EVC: variants seen among roughly 807,000 people sequenced by gnomAD.
EVC encodes evC complex member EVC.
A neutral mutation model predicts 118.9 loss-of-function variants in EVC; 116 were observed. The observed-to-expected ratio is 0.98, with a 90% confidence interval of 0.84 to 1.14. The LOEUF (loss-of-function observed/expected upper bound fraction) is 1.14. Ranked by LOEUF, EVC falls within the 50% of genes most tolerant of loss-of-function variation. The probability of loss-of-function intolerance (pLI) is 0.00; values close to 1 mark genes in which losing one functional copy is unlikely to be tolerated. For synonymous variants in EVC, 619 were observed against 534.7 expected (o/e 1.16, Z -2.18); for missense variants, 1,401 against 1,246.4 (o/e 1.12, Z -1.87).
At chr4:5,718,313 T>C (rs1198783266) in intron 1 of EVC, among the ~76,000 whole-genome samples, 1 of 152,168 alleles carries the variant, frequency 6.6e-6, no homozygotes, top group Non-Finnish European at 1.5e-5. Context: ...AGATATCTTA[T>C]TTAATAGATA....
At chr4:5,748,008 G>C in intron 7 of EVC, 140 bp from the exon 8 acceptor site, 1 of 968,204 alleles carries the variant, frequency 1.0e-6, no homozygotes, top group Non-Finnish European at 1.6e-6. Context: ...TTGTTGCCAA[G>C]ATAAACTCAC....
intron 12 of EVC, among the ~76,000 whole-genome samples, chr4:5,790,813 G>A (rs1712629325): frequency 6.6e-6 from 1 of 152,176 alleles, no homozygotes; most frequent in Non-Finnish European, 1.5e-5. Context: ...TAGTAATGAG[G>A]CTGGGAGTGG....
downstream of EVC, among the ~76,000 whole-genome samples, chr4:5,817,249 T>C (rs1560462760): frequency 6.6e-6 from 1 of 152,214 alleles, no homozygotes; most frequent in Non-Finnish European, 1.5e-5. Context: ...CTATAGAGGC[T>C]TCCTGCACCG....
chr4:5,825,970 A>C, the EVC span: 1 of 408,830 alleles, frequency 2.4e-6, no homozygotes, highest in Non-Finnish European at 4.4e-6. This position sits in a 1 kb window ranked among gnomAD's most constrained non-coding sequence, Gnocchi z 4.4. Flanking sequence ...ACATGCAGTA[A>C]CAAAACAGGC....
At chr4:5,724,699 TA>T (rs1458163198) in intron 2 of EVC, among the ~76,000 whole-genome samples, 3,630 of 94,234 alleles carry the variant, frequency 0.039, 134 homozygotes, top group African/African-American at 0.13. Context: ...TTTTCCCTGT[TA>T]TTTTTTTTTT....
chr4:5,817,838 G>C (rs1717940467), downstream of EVC, among the ~76,000 whole-genome samples: 1 of 152,148 alleles, frequency 6.6e-6, no homozygotes, highest in African/African-American at 2.4e-5. Flanking sequence ...ACCAACCCTG[G>C]GGGCTAGAAC....
Position 5,783,681 on chromosome 4 carries a change from G to A in EVC, c.1693G>A (p.Ala565Thr), listed in dbSNP as rs926749491. Residue 565 changes from alanine to threonine, a missense_variant, in exon 12 of 21, where the codon GCT becomes ACT. Physicochemically the swap from Ala to Thr is moderately conservative, Grantham distance 58 (BLOSUM62 0). Transcript: ENST00000264956. ...DYLRQEVQEN[A>T]AWQLGKSNRF... ...CTTGAGGCAGGAAGTCCAGGAGAAC[G>A]CTGCCTGGCAGCTGGGGAAGTCAAA... The A allele has an allele frequency of 1.1e-5, 18 of 1,613,888 alleles. No individual in the cohort carries two copies. The highest frequency in any genetic ancestry group is 8.3e-5 in the Admixed American group (5 of 59,988).
At chr4:5,806,049 G>C (rs900325283) in intron 17 of EVC, among the ~76,000 whole-genome samples, 2 of 151,366 alleles carry the variant, frequency 1.3e-5, no homozygotes, top group East Asian at 3.9e-4. Context: ...TCGTCCCGCC[G>C]CCCTTCTGTG....
chr4:5,733,361 G>T lies in EVC; in HGVS notation c.628G>T (p.Asp210Tyr), dbSNP rs376818413. The T allele has an allele frequency of 6.2e-7, 1 of 1,613,842 alleles. No individual in the cohort carries two copies. The highest frequency in any genetic ancestry group is 2.2e-5 in the East Asian group (1 of 44,882). ...CATTTTATTTTGCAGTGTAGACGTT[G>T]ACCTGTGTATCTACAGCCTTCACTT... is the stretch of plus-strand genomic sequence containing the variant. ...EVLACESVDV[D>Y]LCIYSLHLKD... is the part of the protein sequence containing the mutation. The change falls in exon 5 of 21, where the codon GAC becomes TAC. Residue 210 changes from aspartate (D) to tyrosine (Y), a missense_variant. By Grantham distance (160) the Asp-to-Tyr change is radical. Transcript: ENST00000264956.
chr4:5,753,045 C>T lies in EVC; in HGVS notation c.1308C>T (p.Phe436=), dbSNP rs1730632966. 3 of 1,594,558 alleles carry T rather than the reference C, an allele frequency of 1.9e-6. No individual in the cohort carries two copies. In the South Asian group the frequency reaches 3.4e-5, roughly 18 times the overall value. The change falls in exon 9 of 21, where the codon TTC becomes TTT. Residue 436 remains phenylalanine (F), a synonymous_variant. Coordinates refer to ENST00000264956, the MANE Select transcript of EVC (RefSeq NM_153717.3). ...CCTTCTGGCAGGAGGCAGAGCGCTT[C>T]AGCCGGGGTGAGCCGTGGGCATGGG... ...HKAFWQEAER[F]SREFVQRGKD...
Position 5,789,907 on chromosome 4 carries a change from A to G in EVC, c.1777-3701A>G, listed in dbSNP as rs1222282324. ...TTCAAAGAATCAAGACTGGCCAAGC[A>G]TGGTGGATCACGCCTGTAATCCCAG... On this transcript the variant is annotated intron_variant, in intron 12 of 20. Coordinates refer to ENST00000264956, the MANE Select transcript of EVC (RefSeq NM_153717.3). This position sits in a 1 kb window ranked among gnomAD's most constrained non-coding sequence, Gnocchi z 4.3. Among the ~76,000 whole-genome samples, 2 of 152,142 alleles carry G rather than the reference A, an allele frequency of 1.3e-5. No homozygotes were observed. The highest frequency in any genetic ancestry group is 2.9e-5 in the Non-Finnish European group (2 of 68,026).
chr4:5,787,057 A>G (rs189998032), intron 12 of EVC, among the ~76,000 whole-genome samples: 2 of 152,150 alleles, frequency 1.3e-5, no homozygotes, highest in African/African-American at 4.8e-5. Flanking sequence ...CCTTTCCCAC[A>G]TTGTTTTCTA....
rs1487437338 is a variant in EVC at position 5,798,822 on chromosome 4, C to G, written c.2304+30C>G. 9 of 1,597,848 alleles carry G rather than the reference C, an allele frequency of 5.6e-6. No individual in the cohort carries two copies. Among genetic ancestry groups the G allele is most frequent in the Non-Finnish European group, 7.7e-6 (9 of 1,172,138 alleles). On this transcript the variant is annotated intron_variant, in intron 15 of 20. Coordinates refer to ENST00000264956, the MANE Select transcript of EVC (RefSeq NM_153717.3). The surrounding 1 kb of genome is among the most constrained non-coding windows in gnomAD (Gnocchi z 4.1). Reference sequence around the variant, plus strand: ...GCACTGACCTCTGTCCCTGGGGACACCGAGGGCAAGAATGTTCAGGGTAGG... The same window carrying G: ...GCACTGACCTCTGTCCCTGGGGACAGCGAGGGCAAGAATGTTCAGGGTAGG...
Position 5,742,703 on chromosome 4 carries a change from C to A in EVC, c.801+889C>A, listed in dbSNP as rs891474677. Among the ~76,000 whole-genome samples the A allele has an allele frequency of 6.6e-6, 1 of 152,118 alleles. No individual in the cohort carries two copies. Among genetic ancestry groups the A allele is most frequent in the African/African-American group, 2.4e-5 (1 of 41,430 alleles). On this transcript the variant is annotated intron_variant, in intron 6 of 20. Coordinates refer to ENST00000264956, the MANE Select transcript of EVC (RefSeq NM_153717.3). The surrounding 1 kb of genome is among the most constrained non-coding windows in gnomAD (Gnocchi z 5.2). ...GTAATTATTGGCATTCTCATTACTA[C>A]CATCACCGCCATCATCATCTTCATT...
chr4:5,740,470 CAAAA>C (rs59318619), intron 5 of EVC, among the ~76,000 whole-genome samples: 1 of 105,572 alleles, frequency 9.5e-6, no homozygotes, highest in Non-Finnish European at 2.0e-5. Flanking sequence ...TACTCCATCT[CAAAA>C]AAAAAAAAAA....
At chr4:5,804,581 A>G in intron 16 of EVC, 149 bp from the exon 17 acceptor site, 1 of 712,726 alleles carries the variant, frequency 1.4e-6, no homozygotes, top group Non-Finnish European at 2.6e-6. Context: ...TTGTTTGTGC[A>G]CACAATGCCC....
chr4:5,719,260 C>G lies in EVC; in HGVS notation c.187C>G (p.Gln63Glu), dbSNP rs371329240. The G allele has an allele frequency of 3.1e-6, 5 of 1,614,028 alleles. No individual in the cohort carries two copies. The African/African-American group carries it at 4.0e-5, about 13-fold the overall frequency. The change falls in exon 2 of 21, where the codon CAA becomes GAA. Residue 63 changes from glutamine (Q) to glutamate (E), a missense_variant. Transcript: ENST00000264956. The surrounding 1 kb of genome is among the most constrained non-coding windows in gnomAD (Gnocchi z 4.7). ...CTTCGGGTTTTAGAAAGACGACACTCAAAATCTGCTCAAGAATTTGGAGTC... is the reference window on the plus strand; with the variant it reads ...CTTCGGGTTTTAGAAAGACGACACTGAAAATCTGCTCAAGAATTTGGAGTC... ...QRTRHQKDDTQNLLKNLESNA... is the reference protein window; with the variant it reads ...QRTRHQKDDTENLLKNLESNA...
chr4:5,808,220 A>G lies in EVC; in HGVS notation c.2581A>G (p.Arg861Gly). 1.3e-6 allele frequency: 2 copies of G among 1,557,076 alleles called. No individual in the cohort carries two copies. The highest frequency in any genetic ancestry group is 1.7e-6 in the Non-Finnish European group (2 of 1,148,250). The stretch of plus-strand genomic sequence containing the variant: ...CCCCAGGATGCTGTCCCAGCAGAAG[A>G]GGTTCCTGGCCCAGTTCCCAGTGCA... ...VHQRMLSQQKRFLAQFPVHQQ... is the reference protein window; with the variant it reads ...VHQRMLSQQKGFLAQFPVHQQ... The change falls in exon 18 of 21, where the codon AGG (arginine) becomes GGG (glycine). Residue 861 changes from arginine (R) to glycine (G), a missense_variant. Transcript: ENST00000264956.
rs1712336742 is a variant in EVC at position 5,789,405 on chromosome 4, C to G, written c.1777-4203C>G. On this transcript the variant is annotated intron_variant, in intron 12 of 20. Transcript: ENST00000264956. This position sits in a 1 kb window ranked among gnomAD's most constrained non-coding sequence, Gnocchi z 4.3. ...TGGTCTTTGCTCCATGTCACCTTCA[C>G]AGCAAGGCCTACTCTGACCATGCTG... Among the ~76,000 whole-genome samples the G allele has an allele frequency of 1.3e-5, 2 of 152,188 alleles. No homozygotes were observed. Among genetic ancestry groups the G allele is most frequent in the Admixed American group, 1.3e-4 (2 of 15,282 alleles).
Sources: allele counts gnomAD v4.1 joint callset (sites outside exome capture counted in the v4.1 genomes callset), GRCh38; gene constraint gnomAD v4.1.1; non-coding constraint Gnocchi (gnomAD v3.1); transcripts MANE v1.5; gene names NCBI Gene and HGNC (gene_info 2026-07-23, HGNC 2026-07-21).